The following RSF1 variants were observed in gnomAD, a reference collection of about 807,000 sequenced individuals.
RSF1 encodes remodeling and spacing factor 1, also known as HBV pX-associated protein 8.
A neutral mutation model predicts 145.2 loss-of-function variants in RSF1; 13 were observed. The ratio of observed to expected loss-of-function variants is 0.09; its 90% CI spans 0.06 to 0.14. RSF1 has a LOEUF of 0.14. RSF1 is among the 10% of genes least tolerant of loss of function. The pLI is 1.00. For synonymous variants in RSF1, 577 were observed against 592.6 expected, an observed-to-expected ratio of 0.97 and a Z score of 0.38; for missense variants, 1,517 against 1,718.2, an observed-to-expected ratio of 0.88 and a Z score of 2.07.
At position 77,702,228 on chromosome 11, in the gene RSF1, T is replaced by G; in HGVS notation, c.1001A>C (p.Lys334Thr). The G allele has an allele frequency of 6.2e-7, 1 of 1,613,898 alleles. No individual in the cohort carries two copies. ...CTTCTCCATGCTACTTTTGGTATCT[T>G]TAGGATCTGCTCTACATTCCTTCAC... is the stretch of plus-strand genomic sequence containing the variant. The part of the protein sequence containing the change: ...VEVKECRADP[K>T]DTKSSMEKPV... The change falls in exon 6 of 16, where the codon AAA (lysine) becomes ACA (threonine). Residue 334 changes from lysine to threonine, a missense_variant. Lys to Thr is a moderately conservative substitution (Grantham distance 78). Transcript: ENST00000308488.
intron 11 of RSF1, among the ~76,000 whole-genome samples, chr11:77,683,164 G>A (rs1423351407): frequency 2.6e-5 from 4 of 152,190 alleles, no homozygotes; most frequent in South Asian, 2.1e-4. Flanking sequence ...GGTGGCGGGC[G>A]CCTGTAGTCC....
At chr11:77,797,174 TG>T (rs1948580965) in intron 1 of RSF1, among the ~76,000 whole-genome samples, 1 of 152,122 alleles carries the variant, frequency 6.6e-6, no homozygotes, top group Non-Finnish European at 1.5e-5. Flanking sequence ...AAACTTCATA[TG>T]GAACCAAAAA....
At chr11:77,668,671 A>G (rs1959438207) in intron 15 of RSF1, among the ~76,000 whole-genome samples, 1 of 152,266 alleles carries the variant, frequency 6.6e-6, no homozygotes, top group Admixed American at 6.5e-5. Flanking sequence ...TATAACAATT[A>G]TATAACATTT....
chr11:77,865,453 CA>C, the RSF1 span, among the ~76,000 whole-genome samples: 1 of 152,126 alleles, frequency 6.6e-6, no homozygotes, highest in African/African-American at 2.4e-5. Context: ...CTCTAACTTG[CA>C]AGGAAGAGGA....
chr11:77,832,713 T>C, the RSF1 span, among the ~76,000 whole-genome samples: 1 of 150,684 alleles, frequency 6.6e-6, no homozygotes, highest in Admixed American at 6.6e-5. Context: ...AAAAAAAAAG[T>C]CCTCCTACTC....
intron 7 of RSF1, among the ~76,000 whole-genome samples, chr11:77,696,186 A>C (rs1565151189): frequency 6.6e-6 from 1 of 152,198 alleles, no homozygotes; most frequent in Non-Finnish European, 1.5e-5. Flanking sequence ...AATTACAGGT[A>C]AACTTTCAGA....
intron 11 of RSF1, among the ~76,000 whole-genome samples, chr11:77,681,304 AT>A (rs1220220751): frequency 2.0e-5 from 3 of 152,214 alleles, no homozygotes; most frequent in Non-Finnish European, 4.4e-5. Context: ...GTATTGTGTA[AT>A]GCATTTATTT....
intron 1 of RSF1, among the ~76,000 whole-genome samples, chr11:77,810,023 C>T (rs1948715222): frequency 6.6e-6 from 1 of 152,188 alleles, no homozygotes; most frequent in Admixed American, 6.5e-5. Context: ...TGCACTTTTG[C>T]TGCAAAATAC....
the RSF1 span, among the ~76,000 whole-genome samples, chr11:77,871,050 C>T: frequency 3.9e-5 from 6 of 152,134 alleles, no homozygotes; most frequent in Non-Finnish European, 8.8e-5. Flanking sequence ...AGCAATCCTC[C>T]CATTTTGGCC....
intron 5 of RSF1, among the ~76,000 whole-genome samples, chr11:77,714,531 A>T (rs1256007650): frequency 6.6e-6 from 1 of 152,094 alleles, no homozygotes; most frequent in Non-Finnish European, 1.5e-5. Flanking sequence ...CTTCTCCAAT[A>T]AGGAAAAATC....
intron 4 of RSF1, among the ~76,000 whole-genome samples, chr11:77,737,437 A>C (rs1312954918): frequency 4.6e-5 from 7 of 151,506 alleles, no homozygotes; most frequent in Admixed American, 4.6e-4. Context: ...CCTGGGCAAC[A>C]AAGCGAGATC....
chr11:77,776,003 G>A (rs1459335775), intron 1 of RSF1, among the ~76,000 whole-genome samples: 2 of 152,094 alleles, frequency 1.3e-5, no homozygotes, highest in African/African-American at 4.8e-5. Flanking sequence ...TTGATCTCCT[G>A]GACTCAAGTG....
chr11:77,721,702 C>T (rs1441913497), intron 5 of RSF1, among the ~76,000 whole-genome samples: 1 of 152,172 alleles, frequency 6.6e-6, no homozygotes, highest in Non-Finnish European at 1.5e-5. Flanking sequence ...TTATGTGTTA[C>T]TGTTTTATCT....
the RSF1 span, among the ~76,000 whole-genome samples, chr11:77,868,468 C>A: frequency 6.6e-6 from 1 of 150,576 alleles, no homozygotes; most frequent in Non-Finnish European, 1.5e-5. Flanking sequence ...AAGTGATTCT[C>A]CTGCCTCAGC....
chr11:77,724,223 G>A (rs948026257), intron 5 of RSF1, among the ~76,000 whole-genome samples: 4 of 152,238 alleles, frequency 2.6e-5, no homozygotes, highest in East Asian at 1.9e-4. Context: ...AAAACAAACA[G>A]AAACAAGTGT....
intron 13 of RSF1, among the ~76,000 whole-genome samples, chr11:77,675,478 T>C (rs142771714): frequency 2.0e-5 from 3 of 152,364 alleles, no homozygotes; most frequent in Admixed American, 6.5e-5. Context: ...ATTTCTGTAC[T>C]GCTTTGACCT....
At chr11:77,772,870 A>G (rs987436793) in intron 1 of RSF1, among the ~76,000 whole-genome samples, 2 of 151,404 alleles carry the variant, frequency 1.3e-5, no homozygotes, top group African/African-American at 2.4e-5. Context: ...AAAAAAAAAA[A>G]AGGGCCAAGA....
At chr11:77,765,449 A>C (rs1360545114) in intron 1 of RSF1, among the ~76,000 whole-genome samples, 1 of 152,156 alleles carries the variant, frequency 6.6e-6, no homozygotes, top group Non-Finnish European at 1.5e-5. Flanking sequence ...CATAGCACTT[A>C]GTTCTGTTTT....
intron 1 of RSF1, among the ~76,000 whole-genome samples, chr11:77,804,420 G>A (rs952521540): frequency 1.3e-5 from 2 of 152,242 alleles, no homozygotes; most frequent in Non-Finnish European, 2.9e-5. Context: ...AATGGGGACA[G>A]TCTTGTTGGT....
Sources: gnomAD v4.1 joint callset for allele counts (sites outside exome capture counted in the v4.1 genomes callset) on GRCh38, gnomAD v4.1.1 for gene constraint, MANE v1.5 for transcripts, NCBI Gene and HGNC (gene_info 2026-07-23, HGNC 2026-07-21) for gene names.